CSMD1: variants seen among roughly 807,000 people sequenced by gnomAD.
CSMD1 encodes the protein CUB and sushi domain-containing protein 1.
CSMD1 carries 213 observed loss-of-function variants against 417.5 expected under a neutral mutation model. The observed-to-expected ratio is 0.51, with a 90% CI of 0.46 to 0.57. The LOEUF (loss-of-function observed/expected upper bound fraction) is 0.57, where lower values mean the gene tolerates loss of function less well. CSMD1 is among the 20% of genes least tolerant of loss of function. The pLI is 0.00. For synonymous variants in CSMD1, 2,862 were observed against 1,736.8 expected (o/e 1.65, Z -16.11); for missense variants, 6,923 against 4,529.7 (o/e 1.53, Z -15.17).
At chr8:4,059,804 G>C (rs1026689473) in intron 3 of CSMD1, among the ~76,000 whole-genome samples, 2 of 151,380 alleles carry the variant, frequency 1.3e-5, no homozygotes, top group Non-Finnish European at 2.9e-5. Flanking sequence ...ATAATCAATA[G>C]CTTACCAACC....
intron 2 of CSMD1, among the ~76,000 whole-genome samples, chr8:4,598,038 A>G (rs1800377523): frequency 6.6e-6 from 1 of 151,964 alleles, no homozygotes; most frequent in Admixed American, 6.6e-5. Flanking sequence ...ATTTATCAAT[A>G]TTCACAATTG....
chr8:3,456,303 G>GCTGCACCCAGTGTC, intron 12 of CSMD1, among the ~76,000 whole-genome samples: 1 of 37,616 alleles, frequency 2.7e-5, no homozygotes, highest in East Asian at 1.1e-3. Context: ...TGCTTTGTGT[G>GCTGCACCCAGTGTC]CTGCACCCAC....
intron 2 of CSMD1, among the ~76,000 whole-genome samples, chr8:4,528,524 C>T (rs1435801337): frequency 6.6e-6 from 1 of 152,154 alleles, no homozygotes; most frequent in Non-Finnish European, 1.5e-5. Context: ...GTTAACAATA[C>T]TTTGCTGTGT....
chr8:4,755,912 T>A (rs1811638064), intron 1 of CSMD1, among the ~76,000 whole-genome samples: 1 of 152,170 alleles, frequency 6.6e-6, no homozygotes, highest in Non-Finnish European at 1.5e-5. Flanking sequence ...GTTTTTTCCT[T>A]TCCAGTGAAC....
chr8:3,446,788 A>G (rs907503131), intron 12 of CSMD1, among the ~76,000 whole-genome samples: 1 of 152,218 alleles, frequency 6.6e-6, no homozygotes. Context: ...ATGAAATGGA[A>G]CCTGTTGGAA....
At chr8:3,012,065 A>G (rs1808431339) in intron 52 of CSMD1, among the ~76,000 whole-genome samples, 1 of 152,194 alleles carries the variant, frequency 6.6e-6, no homozygotes, top group Admixed American at 6.5e-5. Flanking sequence ...CAATTTACAG[A>G]ACTCTGAACT....
intron 26 of CSMD1, among the ~76,000 whole-genome samples, chr8:3,271,476 T>C (rs1249396424): frequency 6.8e-6 from 1 of 147,742 alleles, no homozygotes; most frequent in Non-Finnish European, 1.5e-5. Flanking sequence ...ATGGTATTTC[T>C]AGTTCTAGAT....
intron 1 of CSMD1, among the ~76,000 whole-genome samples, chr8:4,766,452 C>T (rs927883100): frequency 3.9e-5 from 6 of 152,186 alleles, no homozygotes; most frequent in Admixed American, 1.3e-4. Flanking sequence ...AGAAGGCTAA[C>T]GTGCTTTACA....
intron 2 of CSMD1, among the ~76,000 whole-genome samples, chr8:4,518,628 C>A (rs539094273): frequency 4.6e-4 from 46 of 99,854 alleles, no homozygotes; most frequent in South Asian, 9.7e-4. Flanking sequence ...GGGTGGGGGG[C>A]GGGGGGAGGA....
chr8:4,257,045 C>G (rs999925051), intron 3 of CSMD1, among the ~76,000 whole-genome samples: 6 of 152,118 alleles, frequency 3.9e-5, no homozygotes, highest in Non-Finnish European at 7.4e-5. Flanking sequence ...GGAAAAGTGC[C>G]TGTGTCATCA....
chr8:4,056,576 G>A (rs967394476), intron 3 of CSMD1, among the ~76,000 whole-genome samples: 4 of 151,630 alleles, frequency 2.6e-5, no homozygotes, highest in African/African-American at 7.3e-5. Flanking sequence ...GGGTACATGT[G>A]CACAATGTGC....
chr8:3,150,151 C>T (rs907068716), intron 40 of CSMD1, among the ~76,000 whole-genome samples: 8 of 152,170 alleles, frequency 5.3e-5, no homozygotes, highest in African/African-American at 1.9e-4. Flanking sequence ...ATCACTGCCT[C>T]ATGCTCAGAG....
chr8:3,140,506 T>A (rs1037400304), intron 41 of CSMD1, among the ~76,000 whole-genome samples: 2 of 152,192 alleles, frequency 1.3e-5, no homozygotes, highest in Non-Finnish European at 2.9e-5. Flanking sequence ...GCTCACTGGT[T>A]TAGTCTCCAG....
intron 3 of CSMD1, among the ~76,000 whole-genome samples, chr8:4,251,161 C>G (rs983239688): frequency 6.6e-6 from 1 of 151,646 alleles, no homozygotes; most frequent in Non-Finnish European, 1.5e-5. Flanking sequence ...GTATACAAGG[C>G]CAATGAAGAA....
intron 40 of CSMD1, among the ~76,000 whole-genome samples, chr8:3,148,281 C>T (rs1455269818): frequency 6.6e-6 from 1 of 152,206 alleles, no homozygotes; most frequent in African/African-American, 2.4e-5. Context: ...GATGTCTGAG[C>T]TTAAACCCCA....
At chr8:4,026,973 C>G (rs189646616) in intron 4 of CSMD1, among the ~76,000 whole-genome samples, 1 of 152,272 alleles carries the variant, frequency 6.6e-6, no homozygotes, top group Non-Finnish European at 1.5e-5. Flanking sequence ...CAGTGTTTGC[C>G]AATTCTTATG....
At chr8:4,292,558 A>T (rs1445450279) in intron 3 of CSMD1, among the ~76,000 whole-genome samples, 1 of 152,114 alleles carries the variant, frequency 6.6e-6, no homozygotes, top group African/African-American at 2.4e-5. Context: ...TGCCCGCCCG[A>T]ATTTTTTAAC....
intron 23 of CSMD1, among the ~76,000 whole-genome samples, chr8:3,336,313 T>G (rs969524139): frequency 1.3e-5 from 2 of 152,140 alleles, no homozygotes; most frequent in Non-Finnish European, 2.9e-5. Context: ...CTGTCTCCAC[T>G]TCCCATCACA....
At chr8:3,302,435 C>T (rs775582768) in intron 25 of CSMD1, among the ~76,000 whole-genome samples, 6 of 152,182 alleles carry the variant, frequency 3.9e-5, no homozygotes, top group Non-Finnish European at 7.3e-5. Flanking sequence ...AATGTTCCCA[C>T]CTCAGCTATT....
Sources: gnomAD v4.1 joint callset for allele counts (sites outside exome capture counted in the v4.1 genomes callset) on GRCh38, gnomAD v4.1.1 for gene constraint, MANE v1.5 for transcripts, NCBI Gene and HGNC (gene_info 2026-07-23, HGNC 2026-07-21) for gene names.